The following PRKN variants were observed in gnomAD, a reference collection of about 807,000 sequenced individuals.
PRKN encodes the protein E3 ubiquitin-protein ligase parkin.
PRKN carries 56 observed loss-of-function variants against 59.5 expected under a neutral mutation model. That is an observed-to-expected ratio of 0.94 (90% CI 0.76 to 1.18). PRKN has a LOEUF of 1.18. Among genes scored for constraint, PRKN ranks in the 50% most tolerant of loss-of-function variants. The probability of loss-of-function intolerance (pLI) is 0.00; values close to 1 mark genes in which losing one functional copy is unlikely to be tolerated. For missense variants in PRKN, 657 were observed against 596.4 expected, an observed-to-expected ratio of 1.10 and a Z score of -1.06; for synonymous variants, 250 against 222.1, an observed-to-expected ratio of 1.13 and a Z score of -1.12.
At chr6:161,655,613 A>G (rs1417525920) in intron 7 of PRKN, among the ~76,000 whole-genome samples, 2 of 152,226 alleles carry the variant, frequency 1.3e-5, no homozygotes, top group African/African-American at 4.8e-5. Context: ...AAGGCTTTAA[A>G]CTGTGAACAA....
intron 5 of PRKN, among the ~76,000 whole-genome samples, chr6:161,987,290 T>C (rs1204094723): frequency 6.6e-6 from 1 of 152,236 alleles, no homozygotes; most frequent in African/African-American, 2.4e-5. Context: ...GTTTTTTCTT[T>C]TAACATGCCA....
At chr6:161,540,042 G>C (rs543381284) in intron 9 of PRKN, among the ~76,000 whole-genome samples, 2 of 152,248 alleles carry the variant, frequency 1.3e-5, no homozygotes, top group Admixed American at 1.3e-4. Flanking sequence ...TCAGAATGCT[G>C]GGGGTTGGGG....
In PRKN at chr6:161,651,518, A is replaced by G. The variant is rs569621933; in HGVS notation, c.872-82102T>C. Among the ~76,000 whole-genome samples the G allele has an allele frequency of 3.3e-5, 5 of 152,276 alleles. No individual in the cohort carries two copies. In the South Asian group the frequency reaches 6.2e-4, roughly 19 times the overall value. On this transcript the variant is annotated intron_variant, in intron 7 of 11. Transcript: ENST00000366898. ...CTTTAGCCACTTAGGCATTTTCACT[A>G]TGATATCTTTAGGGTTTATCTGATG...
At position 161,497,552 on chromosome 6, in the gene PRKN, ATG is replaced by A. The variant is rs1777797918; in HGVS notation, c.1083+51300_1083+51301del. 2.4e-5 allele frequency among the ~76,000 whole-genome samples: 3 copies of A among 125,244 alleles called. No homozygotes were observed. Among genetic ancestry groups the A allele is most frequent in the African/African-American group, 1.2e-4 (3 of 25,670 alleles). The allele number at this position is 125,244 out of a possible 152,430, so 82.2% of individuals were successfully genotyped here. ...GTCTGTGTGTGTGCACAGTGCTTACATGTCTCTCTCTCTCTCTCTCTCTCTCA... is the reference window on the plus strand; with the variant it reads ...GTCTGTGTGTGTGCACAGTGCTTACATCTCTCTCTCTCTCTCTCTCTCTCA... On this transcript the variant is annotated intron_variant, in intron 9 of 11. Coordinates refer to ENST00000366898, the MANE Select transcript of PRKN (RefSeq NM_004562.3). The surrounding 1 kb of genome is among the most constrained non-coding windows in gnomAD (Gnocchi z 4.6).
chr6:162,346,040 G>A (rs1784389899), intron 2 of PRKN, among the ~76,000 whole-genome samples: 2 of 152,084 alleles, frequency 1.3e-5, no homozygotes, highest in African/African-American at 4.8e-5. Flanking sequence ...TATGACACAG[G>A]AGAAAGGTCC....
At chr6:161,666,834 T>C (rs1357234697) in intron 7 of PRKN, among the ~76,000 whole-genome samples, 1 of 152,162 alleles carries the variant, frequency 6.6e-6, no homozygotes, top group Non-Finnish European at 1.5e-5. Flanking sequence ...CACTTTGGAA[T>C]GGCCAGGGAG....
At chr6:161,415,021 C>A (rs977878429) in intron 9 of PRKN, among the ~76,000 whole-genome samples, 6 of 152,160 alleles carry the variant, frequency 3.9e-5, no homozygotes, top group Admixed American at 3.3e-4. Flanking sequence ...TGGTTCTTAC[C>A]CACGACTTCA....
In PRKN at chr6:161,527,815, T is replaced by C. The variant is rs1173478452; in HGVS notation, c.1083+21039A>G. Among the ~76,000 whole-genome samples the C allele has an allele frequency of 6.6e-6, 1 of 152,220 alleles. No individual in the cohort carries two copies. The highest frequency in any genetic ancestry group is 1.9e-4 in the East Asian group (1 of 5,178). ...GGAGTCTCTTTTCTGACAGTGCCAC[T>C]GAATCAGCTGTCTGAAGAACCCTTG... On this transcript the variant is annotated intron_variant, in intron 9 of 11. Transcript: ENST00000366898. This position sits in a 1 kb window ranked among gnomAD's most constrained non-coding sequence, Gnocchi z 4.6.
rs146006275 is a variant in PRKN, at chr6:162,047,692, A to T, written c.618+6399T>A. On this transcript the variant is annotated intron_variant, in intron 5 of 11. Transcript: ENST00000366898. ...TTCCTTGGAGGATAGTAATTTGATCAAACTAAAACATTATTAAGAAACTTT... is the reference window on the plus strand; with the variant it reads ...TTCCTTGGAGGATAGTAATTTGATCTAACTAAAACATTATTAAGAAACTTT... Among the ~76,000 whole-genome samples the T allele has an allele frequency of 2.0e-5, 3 of 152,348 alleles. No individual in the cohort carries two copies. In the East Asian group the frequency reaches 5.8e-4, roughly 29 times the overall value.
intron 1 of PRKN, chr6:162,568,572 C>CAGA (rs959158212): frequency 2.4e-6 from 2 of 826,710 alleles, no homozygotes; most frequent in Non-Finnish European, 4.2e-6. Context: ...CGTGCAGGAG[C>CAGA]AGGAGAAGGA....
chr6:161,594,378 G>A lies in PRKN; in HGVS notation c.872-24962C>T, dbSNP rs531348538. On this transcript the variant is annotated intron_variant, in intron 7 of 11. Transcript: ENST00000366898. ...AGGAAGGAAAGAAAGAGGGGAAGAG[G>A]CTGTGGGCAAGATGGGAGAAGACAT... Among the ~76,000 whole-genome samples, 13 of 152,316 alleles carry A rather than the reference G, an allele frequency of 8.5e-5. No homozygotes were observed. In the South Asian group the frequency reaches 2.7e-3, roughly 32 times the overall value.
At chr6:161,740,438 T>A (rs1788140702) in intron 7 of PRKN, among the ~76,000 whole-genome samples, 1 of 152,184 alleles carries the variant, frequency 6.6e-6, no homozygotes, top group Admixed American at 6.5e-5. Flanking sequence ...AGGGCTCTTT[T>A]ACCTGTGACT....
In PRKN at chr6:161,721,032, T is replaced by C. The variant is rs193265411; in HGVS notation, c.871+64740A>G. 6.2e-4 allele frequency among the ~76,000 whole-genome samples: 94 copies of C among 152,306 alleles called. No individual in the cohort carries two copies. In the Middle Eastern group the frequency reaches 0.01, roughly 17 times the overall value. On this transcript the variant is annotated intron_variant, in intron 7 of 11. Transcript: ENST00000366898. ...ATGGAAAAACTTTCCCAATGGTTGG[T>C]AATCACATTTGATATGAATAAGATG...
intron 5 of PRKN, among the ~76,000 whole-genome samples, chr6:162,001,007 A>T (rs999149232): frequency 6.6e-6 from 1 of 151,976 alleles, no homozygotes; most frequent in East Asian, 1.9e-4. Context: ...CGATTTGTCT[A>T]TTCTTTTACT....
chr6:162,587,742 T>A (rs1781122395), intron 1 of PRKN, among the ~76,000 whole-genome samples: 1 of 152,086 alleles, frequency 6.6e-6, no homozygotes, highest in Non-Finnish European at 1.5e-5. Flanking sequence ...CCTTTAAGAA[T>A]ATCAAAATAA....
chr6:162,615,283 C>A (rs925376192), intron 1 of PRKN, among the ~76,000 whole-genome samples: 1 of 151,984 alleles, frequency 6.6e-6, no homozygotes, highest in African/African-American at 2.4e-5. Flanking sequence ...TGATAATGTT[C>A]ACTAGTGCTT....
chr6:161,392,164 C>A (rs942761554), intron 9 of PRKN, among the ~76,000 whole-genome samples: 10 of 151,838 alleles, frequency 6.6e-5, no homozygotes, highest in Non-Finnish European at 4.4e-5. Context: ...GTCTCGAACC[C>A]TGACCTCGTG....
intron 7 of PRKN, among the ~76,000 whole-genome samples, chr6:161,760,178 T>C (rs1789133080): frequency 1.1e-5 from 1 of 94,788 alleles, no homozygotes; most frequent in Non-Finnish European, 2.3e-5. Flanking sequence ...AATTAGTTAG[T>C]GTCACTCACA....
At chr6:161,403,617 G>C (rs1281647499) in intron 9 of PRKN, among the ~76,000 whole-genome samples, 2 of 152,146 alleles carry the variant, frequency 1.3e-5, no homozygotes, top group Admixed American at 1.3e-4. Flanking sequence ...TCACTCTCTG[G>C]AGAGCCACGC....
Sources: allele counts gnomAD v4.1 joint callset (sites outside exome capture counted in the v4.1 genomes callset), GRCh38; gene constraint gnomAD v4.1.1; non-coding constraint Gnocchi (gnomAD v3.1); transcripts MANE v1.5; gene names NCBI Gene and HGNC (gene_info 2026-07-23, HGNC 2026-07-21).